CENPE: variants seen among roughly 807,000 people sequenced by gnomAD.
CENPE encodes centromere-associated protein E.
In CENPE, 145 loss-of-function variants were observed where a neutral mutation model predicts 336.1. The observed-to-expected ratio is 0.43, with a 90% CI of 0.38 to 0.50. The LOEUF is 0.50. CENPE is among the 20% of genes least tolerant of loss of function. The pLI is 0.00. For synonymous variants in CENPE, 1,013 were observed against 984.8 expected, an observed-to-expected ratio of 1.03 and a Z score of -0.54; for missense variants, 2,719 against 3,023.3, an observed-to-expected ratio of 0.90 and a Z score of 2.36.
intron 16 of CENPE, among the ~76,000 whole-genome samples, chr4:103,169,208 G>A (rs1755180446): frequency 6.6e-6 from 1 of 151,338 alleles, no homozygotes; most frequent in South Asian, 2.1e-4. Flanking sequence ...AAGAATTTGT[G>A]AGCTTGAGAC....
Position 103,108,855 on chromosome 4 carries a change from T to A in CENPE, c.7959A>T (p.Pro2653=). The A allele has an allele frequency of 1.2e-6, 2 of 1,613,930 alleles. No homozygotes were observed. The change falls in exon 48 of 49, where the codon CCA becomes CCT. Residue 2653 remains proline, a synonymous_variant. Transcript: ENST00000265148. ...CFFDSRSKSL[P]SPHPVRYFDN... ...CAAAATAGCGAACTGGATGAGGTGA[T>A]GGTAAAGACTTTGATCGGCTATCAA...
rs1171689648 is a variant in CENPE, at chr4:103,161,208, T to A, written c.2009A>T (p.Gln670Leu). The A allele has an allele frequency of 6.2e-7, 1 of 1,609,804 alleles. No individual in the cohort carries two copies. The highest frequency in any genetic ancestry group is 8.5e-7 in the Non-Finnish European group (1 of 1,178,604). ...TTYKQMENDIQLYQSQLEAKK... is the reference protein window; with the variant it reads ...TTYKQMENDILLYQSQLEAKK... ...TGCCTCCAACTGGCTTTGATATAAC[T>A]GAATATCATTTTCCATTTGCTTGTA... is the stretch of plus-strand genomic sequence containing the variant. Residue 670 changes from glutamine (Q) to leucine (L), a missense_variant, in exon 20 of 49, where the codon CAG becomes CTG. Physicochemically the swap from Gln to Leu is moderately radical, Grantham distance 113 (BLOSUM62 -2). This residue lies in a region of CENPE where 2,437 missense variants were observed against 2,513.3 expected (regional missense o/e 0.97). Coordinates refer to ENST00000265148, the MANE Select transcript of CENPE (RefSeq NM_001813.3).
In CENPE at chr4:103,144,228, G is replaced by A. The variant is rs142454393; in HGVS notation, c.5145+103C>T. 1,202 of 984,404 alleles carry A rather than the reference G, an allele frequency of 1.2e-3. 12 individuals carry two copies. The African/African-American group carries it at 0.015, about 12-fold the overall frequency. The allele number at this position is 984,404 out of a possible 1,614,324, so 61.0% of individuals were successfully genotyped here. A position where few individuals can be genotyped will look rare whatever the true frequency, so the allele number is the denominator to read the frequency against. On this transcript the variant is annotated intron_variant, in intron 33 of 48. Coordinates refer to ENST00000265148, the MANE Select transcript of CENPE (RefSeq NM_001813.3). ...TGGGATTACCGGCTCGAGCCACCGC[G>A]CCCGGCCTGGACCAATTTTATACTC...
chr4:103,168,550 A>G (rs747074028), intron 16 of CENPE, among the ~76,000 whole-genome samples: 1 of 152,222 alleles, frequency 6.6e-6, no homozygotes, highest in Non-Finnish European at 1.5e-5. Context: ...TTGGTTCCAT[A>G]GCACATTCTG....
chr4:103,179,607 G>C (rs1756163443), intron 13 of CENPE, among the ~76,000 whole-genome samples: 1 of 152,190 alleles, frequency 6.6e-6, no homozygotes, highest in Non-Finnish European at 1.5e-5. Flanking sequence ...GGAAAGTGCT[G>C]TGTTGAGCTA....
rs1749141529 is a variant in CENPE, at chr4:103,108,938, A to G, written c.7876T>C (p.Cys2626Arg). 2.5e-6 allele frequency: 4 copies of G among 1,613,780 alleles called. No homozygotes were observed. In the East Asian group the frequency reaches 6.7e-5, roughly 27 times the overall value. The change falls in exon 48 of 49, where the codon TGC becomes CGC. Residue 2626 changes from cysteine (C) to arginine (R), a missense_variant. Coordinates refer to ENST00000265148, the MANE Select transcript of CENPE (RefSeq NM_001813.3). ...GGATCTTGTAAATTCCGTTCCTTGCATTGAGAGGGTGTAATTTGTTTCTTT... is the reference window on the plus strand; with the variant it reads ...GGATCTTGTAAATTCCGTTCCTTGCGTTGAGAGGGTGTAATTTGTTTCTTT... ...SKKKQITPSQCKERNLQDPVP... is the reference protein window; with the variant it reads ...SKKKQITPSQRKERNLQDPVP...
At chr4:103,176,713 C>T (rs1755899309) in intron 14 of CENPE, among the ~76,000 whole-genome samples, 186 bp downstream of exon 14, 1 of 152,150 alleles carries the variant, frequency 6.6e-6, no homozygotes, top group Non-Finnish European at 1.5e-5. Context: ...GCGCCTGCAA[C>T]CACGCACAGC....
intron 8 of CENPE, among the ~76,000 whole-genome samples, chr4:103,187,073 G>T (rs1435230864): frequency 6.6e-6 from 1 of 152,182 alleles, no homozygotes. Context: ...TATATTCAAT[G>T]AGAAGCCATT....
intron 40 of CENPE, among the ~76,000 whole-genome samples, chr4:103,134,245 C>T (rs1471552837): frequency 2.0e-5 from 3 of 152,166 alleles, no homozygotes; most frequent in Non-Finnish European, 2.9e-5. Context: ...TTACCAATCA[C>T]CCAGGTTTCC....
intron 39 of CENPE, 57 bp from the exon 40 acceptor site, chr4:103,136,416 G>T: frequency 8.2e-7 from 1 of 1,220,352 alleles, no homozygotes; most frequent in Non-Finnish European, 1.2e-6. Context: ...ATCACAATAA[G>T]TAGTTACAAC....
chr4:103,175,898 TAA>T, intron 15 of CENPE, 60 bp downstream of exon 15: 1 of 1,055,442 alleles, frequency 9.5e-7, no homozygotes, highest in Non-Finnish European at 1.4e-6. Flanking sequence ...TAACAAAACC[TAA>T]TAACAAAAGA....
chr4:103,153,278 T>A, intron 24 of CENPE, 28 bp from the exon 25 acceptor site: 1 of 1,473,016 alleles, frequency 6.8e-7, no homozygotes, highest in Non-Finnish European at 9.3e-7. Flanking sequence ...TACAGAAGAA[T>A]TTCTTAAGTA....
chr4:103,147,727 T>G, intron 28 of CENPE, 81 bp from the exon 29 acceptor site: 2 of 1,293,086 alleles, frequency 1.5e-6, no homozygotes, highest in South Asian at 2.9e-5. Flanking sequence ...GGCATCTCAC[T>G]CTGTTGCCCA....
chr4:103,174,012 G>C (rs1481054018), intron 16 of CENPE, among the ~76,000 whole-genome samples: 1 of 151,742 alleles, frequency 6.6e-6, no homozygotes, highest in Non-Finnish European at 1.5e-5. Flanking sequence ...TGTACCCAAA[G>C]GAACTTAAAT....
chr4:103,162,012 T>C (rs1754485894), intron 18 of CENPE, among the ~76,000 whole-genome samples: 1 of 152,092 alleles, frequency 6.6e-6, no homozygotes, highest in Non-Finnish European at 1.5e-5. Flanking sequence ...CAATGATATG[T>C]CCTTGGAAAA....
At chr4:103,150,067 C>A (rs1406398885) in intron 26 of CENPE, among the ~76,000 whole-genome samples, 1 of 150,772 alleles carries the variant, frequency 6.6e-6, no homozygotes, top group Non-Finnish European at 1.5e-5. Flanking sequence ...AATACAGCTA[C>A]CAAATAACTA....
chr4:103,113,132 ATATACT>A (rs1225247536), intron 46 of CENPE, among the ~76,000 whole-genome samples: 5 of 67,678 alleles, frequency 7.4e-5, no homozygotes, highest in African/African-American at 2.0e-4. Context: ...ATATGTGTAT[ATATACT>A]TATAAGTATA....
intron 26 of CENPE, among the ~76,000 whole-genome samples, chr4:103,150,124 TC>T (rs1753414616): frequency 6.6e-6 from 1 of 152,192 alleles, no homozygotes; most frequent in African/African-American, 2.4e-5. Context: ...TATTTTCACT[TC>T]CAATAAGATG....
At chr4:103,143,052 G>T (rs1752705807) in intron 34 of CENPE, among the ~76,000 whole-genome samples, 196 bp downstream of exon 34, 1 of 146,082 alleles carries the variant, frequency 6.8e-6, no homozygotes, top group Admixed American at 6.8e-5. Flanking sequence ...TTCTCCTGAA[G>T]TTCTTGGATC....
Sources: gnomAD v4.1 joint callset for allele counts (sites outside exome capture counted in the v4.1 genomes callset) on GRCh38, gnomAD v4.1.1 for gene constraint, gnomAD v4.1.1 regional missense constraint, MANE v1.5 for transcripts, NCBI Gene and HGNC (gene_info 2026-07-23, HGNC 2026-07-21) for gene names.